GRSF1: variants seen among roughly 807,000 people sequenced by gnomAD.
The protein encoded by GRSF1 is G-rich RNA sequence binding factor 1.
GRSF1 carries 50 observed loss-of-function variants against 51.1 expected under a neutral mutation model. The observed-to-expected ratio is 0.98, with a 90% confidence interval of 0.78 to 1.24. GRSF1 has a LOEUF of 1.24. Ranked by LOEUF, GRSF1 falls within the 50% of genes most tolerant of loss-of-function variation. GRSF1 has a pLI of 0.00. For synonymous variants in GRSF1, 293 were observed against 253.3 expected (o/e 1.16, Z -1.49); for missense variants, 700 against 639.7 (o/e 1.09, Z -1.02).
intron 5 of GRSF1, 82 bp from the exon 6 acceptor site, chr4:70,828,118 T>TTA (rs1439984968): frequency 2.1e-6 from 2 of 973,462 alleles, no homozygotes; most frequent in Non-Finnish European, 3.1e-6. Flanking sequence ...CATGTATACA[T>TTA]TATATTTCCA....
chr4:70,831,599 A>G lies in GRSF1; in HGVS notation c.890T>C (p.Phe297Ser), dbSNP rs749613003. 2 of 1,613,676 alleles carry G rather than the reference A, an allele frequency of 1.2e-6. No individual in the cohort carries two copies. The highest frequency in any genetic ancestry group is 2.2e-5 in the South Asian group (2 of 91,078). ...RRKTGEAYVQ[F>S]EEPEMANQAL... ...TTGGTTGGCCATTTCTGGTTCTTCA[A>G]ATTGCACATAGGCTTCCCCTGTTTT... Residue 297 changes from phenylalanine (F) to serine (S), a missense_variant, in exon 5 of 10, where the codon TTT becomes TCT. By Grantham distance (155) the Phe-to-Ser change is radical. Transcript: ENST00000254799.
intron 7 of GRSF1, 143 bp downstream of exon 7, chr4:70,825,981 A>G: frequency 1.5e-6 from 1 of 688,602 alleles, no homozygotes; most frequent in East Asian, 3.0e-5. Context: ...AAAAGAAGCA[A>G]GCTTTGCAAC....
At chr4:70,831,166 G>GCCAAC (rs988578053) in intron 5 of GRSF1, among the ~76,000 whole-genome samples, 5 of 151,896 alleles carry the variant, frequency 3.3e-5, no homozygotes, top group African/African-American at 9.6e-5. Context: ...GACCACCCTG[G>GCCAAC]CCAACATGGT....
At position 70,820,072 on chromosome 4, in the gene GRSF1, C is replaced by G. The variant is rs1465518526; in HGVS notation, c.*815G>C. On this transcript the variant is annotated 3_prime_UTR_variant, in exon 10 of 10. Coordinates refer to ENST00000254799, the MANE Select transcript of GRSF1 (RefSeq NM_002092.4). ...TCAAGTGAAGCCATTAATTTTCTTA[C>G]CAGTCTGGACTGTTCTGACATGTCA... The G allele has an allele frequency of 6.6e-6, 1 of 152,242 alleles. No individual in the cohort carries two copies. Among genetic ancestry groups the G allele is most frequent in the Non-Finnish European group, 1.5e-5 (1 of 68,036 alleles). 9.4% of individuals were successfully genotyped at this position (152,242 alleles called of 1,614,324 possible).
Position 70,839,588 on chromosome 4 carries a change from G to T in GRSF1, c.240C>A (p.Pro80=). The change falls in exon 1 of 10, where the codon CCC becomes CCA. Residue 80 remains proline (P), a synonymous_variant. Coordinates refer to ENST00000254799, the MANE Select transcript of GRSF1 (RefSeq NM_002092.4). ...PVPPGRLAGP[P]AVATSAAAAA... ...CGGCCGCGGCAGAGGTGGCCACAGC[G>T]GGAGGCCCCGCCAGCCTCCCGGGAG... 7.1e-7 allele frequency: 1 copy of T among 1,416,406 alleles called. No individual in the cohort carries two copies. Among genetic ancestry groups the T allele is most frequent in the Admixed American group, 2.8e-5 (1 of 35,372 alleles). 87.7% of individuals were successfully genotyped at this position (1,416,406 alleles called of 1,614,324 possible). A position where few individuals can be genotyped will look rare whatever the true frequency, so the allele number is the denominator to read the frequency against.
At position 70,837,563 on chromosome 4, in the gene GRSF1, C is replaced by CAAA. The variant is rs11419852; in HGVS notation, c.358-1252_358-1250dup. ...TGGGCAACAGAGCAAGACTCCGTCTCAAAAAAAAAAAAAAAAAAAGACTTG... is the reference window on the plus strand; with the variant it reads ...TGGGCAACAGAGCAAGACTCCGTCTCAAAAAAAAAAAAAAAAAAAAAAGACTTG... On this transcript the variant is annotated intron_variant, in intron 1 of 9. Coordinates refer to ENST00000254799, the MANE Select transcript of GRSF1 (RefSeq NM_002092.4). Among the ~76,000 whole-genome samples, 124 of 88,952 alleles carry CAAA rather than the reference C, an allele frequency of 1.4e-3. 3 individuals carry two copies. The highest frequency in any genetic ancestry group is 4.6e-3 in the South Asian group (9 of 1,956). The allele number at this position is 88,952 out of a possible 152,430, so 58.4% of individuals were successfully genotyped here. A position where few individuals can be genotyped will look rare whatever the true frequency, so the allele number is the denominator to read the frequency against.
Position 70,832,373 on chromosome 4 carries a change from C to T in GRSF1, c.748G>A (p.Gly250Ser), listed in dbSNP as rs1734015348. 1 of 1,612,070 alleles carries T rather than the reference C, an allele frequency of 6.2e-7. No homozygotes were observed. ...QVKSSPVVND[G>S]VVRLRGLPYS... is the part of the protein sequence containing the mutation. ...GGAAGTCCTCTCAAACGAACCACAC[C>T]ATCATTTACCACAGGCGAAGATTTG... The change falls in exon 4 of 10, where the codon GGT becomes AGT. Residue 250 changes from glycine to serine, a missense_variant. Coordinates refer to ENST00000254799, the MANE Select transcript of GRSF1 (RefSeq NM_002092.4).
chr4:70,835,747 A>C (rs1318248465), intron 2 of GRSF1, among the ~76,000 whole-genome samples: 3 of 151,840 alleles, frequency 2.0e-5, no homozygotes, highest in Non-Finnish European at 2.9e-5. Context: ...GGCCCATACT[A>C]TGCAGTCTTA....
intron 6 of GRSF1, among the ~76,000 whole-genome samples, chr4:70,827,291 A>AC (rs1013346884): frequency 1.3e-5 from 2 of 150,766 alleles, no homozygotes; most frequent in African/African-American, 4.9e-5. Context: ...CTGTCTCAAA[A>AC]AAAAAAAAAT....
chr4:70,829,625 C>A lies in GRSF1; in HGVS notation c.951-1589G>T, dbSNP rs551886240. ...GCTGTATCACACAACTGCACTCCAG[C>A]GAGGGTAACAGAATAAGACTCTGTC... On this transcript the variant is annotated intron_variant, in intron 5 of 9. Transcript: ENST00000254799. 2.6e-5 allele frequency among the ~76,000 whole-genome samples: 4 copies of A among 151,982 alleles called. No homozygotes were observed. In the South Asian group the frequency reaches 8.3e-4, roughly 32 times the overall value.
intron 2 of GRSF1, among the ~76,000 whole-genome samples, chr4:70,835,408 G>A (rs567307425): frequency 7.6e-5 from 11 of 144,498 alleles, no homozygotes; most frequent in African/African-American, 2.8e-4. Context: ...CCAGCCTGGC[G>A]ACAGAGCGAG....
chr4:70,832,354 C>T lies in GRSF1; in HGVS notation c.767G>A (p.Gly256Glu). Residue 256 changes from glycine (G) to glutamate (E), a missense_variant, in exon 4 of 10, where the codon GGA becomes GAA. Coordinates refer to ENST00000254799, the MANE Select transcript of GRSF1 (RefSeq NM_002092.4). ...TTTCTCATTGCAACTATAAGGAAGT[C>T]CTCTCAAACGAACCACACCATCATT... Reference protein sequence around the residue: ...VVNDGVVRLRGLPYSCNEKDI... With the variant: ...VVNDGVVRLRELPYSCNEKDI... 6.2e-7 allele frequency: 1 copy of T among 1,613,112 alleles called. No individual in the cohort carries two copies. The highest frequency in any genetic ancestry group is 8.5e-7 in the Non-Finnish European group (1 of 1,179,468).
At chr4:70,821,626 A>AT (rs1229681217) in intron 9 of GRSF1, among the ~76,000 whole-genome samples, 1 of 149,840 alleles carries the variant, frequency 6.7e-6, no homozygotes, top group African/African-American at 2.4e-5. Flanking sequence ...AAAAAAAGCA[A>AT]TAGAATAGGA....
rs1733448737 is a variant in GRSF1 at position 70,820,200 on chromosome 4, C to T, written c.*687G>A. The T allele has an allele frequency of 6.6e-6, 1 of 152,218 alleles. No individual in the cohort carries two copies. The highest frequency in any genetic ancestry group is 1.5e-5 in the Non-Finnish European group (1 of 68,002). The allele number at this position is 152,218 out of a possible 1,614,324, so 9.4% of individuals were successfully genotyped here. A position where few individuals can be genotyped will look rare whatever the true frequency, so the allele number is the denominator to read the frequency against. Reference sequence around the variant, plus strand: ...ACTTTTAAGTTAAGACTAGAATGCCCCCTTAAGTAGATAGGCACCACCGTT... The same window carrying T: ...ACTTTTAAGTTAAGACTAGAATGCCTCCTTAAGTAGATAGGCACCACCGTT... On this transcript the variant is annotated 3_prime_UTR_variant, in exon 10 of 10. Coordinates refer to ENST00000254799, the MANE Select transcript of GRSF1 (RefSeq NM_002092.4).
chr4:70,836,315 C>A lies in GRSF1; in HGVS notation c.358-1G>T. On this transcript the variant is annotated splice_acceptor_variant, in intron 1 of 9. Coordinates refer to ENST00000254799, the MANE Select transcript of GRSF1 (RefSeq NM_002092.4). LOFTEE classifies it high-confidence loss of function. Reference sequence around the variant, plus strand: ...CTTCCAGGTAAGTAGTTTTGGACTCCTTCCAAAGGAAATGAAGAATTGTAA... The same window carrying A: ...CTTCCAGGTAAGTAGTTTTGGACTCATTCCAAAGGAAATGAAGAATTGTAA... 1 of 1,551,984 alleles carries A rather than the reference C, an allele frequency of 6.4e-7. No individual in the cohort carries two copies. The highest frequency in any genetic ancestry group is 8.7e-7 in the Non-Finnish European group (1 of 1,154,112).
intron 2 of GRSF1, among the ~76,000 whole-genome samples, chr4:70,834,804 T>C (rs1052560953): frequency 3.3e-5 from 5 of 152,072 alleles, no homozygotes; most frequent in Non-Finnish European, 7.4e-5. Flanking sequence ...TTTGTATTTT[T>C]AGGAGAGATG....
At position 70,822,441 on chromosome 4, in the gene GRSF1, G is replaced by T. The variant is rs370508489; in HGVS notation, c.*26-1580C>A. 1.4e-4 allele frequency among the ~76,000 whole-genome samples: 21 copies of T among 152,026 alleles called. No individual in the cohort carries two copies. The South Asian group carries it at 4.4e-3, about 32-fold the overall frequency. Reference sequence around the variant, plus strand: ...CTACTAAATATACAAAAATTAGCTGGATGTGGTAGAGAATGCCTGTAATCC... The same window carrying T: ...CTACTAAATATACAAAAATTAGCTGTATGTGGTAGAGAATGCCTGTAATCC... On this transcript the variant is annotated intron_variant, in intron 9 of 9. Transcript: ENST00000254799.
chr4:70,840,259 G>A (rs547542865), upstream of GRSF1, among the ~76,000 whole-genome samples: 1 of 152,328 alleles, frequency 6.6e-6, no homozygotes, highest in East Asian at 1.9e-4. Flanking sequence ...CGGGGCCCGG[G>A]GAAGTGGGTG....
At chr4:70,827,727 C>T (rs779477415) in intron 6 of GRSF1, 125 bp downstream of exon 6, 7 of 676,720 alleles carry the variant, frequency 1.0e-5, no homozygotes, top group Admixed American at 5.3e-5. Flanking sequence ...TGCAGTCAGC[C>T]GAGATCGCAC....
Sources: gnomAD v4.1 joint callset for allele counts (sites outside exome capture counted in the v4.1 genomes callset) on GRCh38, gnomAD v4.1.1 for gene constraint, MANE v1.5 for transcripts, NCBI Gene and HGNC (gene_info 2026-07-23, HGNC 2026-07-21) for gene names.